The following GABRB2 variants were observed in gnomAD, a reference collection of about 807,000 sequenced individuals.
The protein encoded by GABRB2 is gamma-aminobutyric acid receptor subunit beta-2.
Under a neutral mutation model 54.7 loss-of-function variants are expected in GABRB2, and 16 were observed. That is an observed-to-expected ratio of 0.29 (90% CI 0.20 to 0.44). GABRB2 has a LOEUF of 0.44. Ranked by LOEUF, GABRB2 falls within the 20% of genes least tolerant of loss-of-function variation. The probability of loss-of-function intolerance (pLI) is 1.00; values close to 1 mark genes in which losing one functional copy is unlikely to be tolerated. For missense variants in GABRB2, 355 were observed against 644.0 expected (o/e 0.55, Z 4.86); for synonymous variants, 244 against 233.8 (o/e 1.04, Z -0.40).
chr5:161,442,175 C>A (rs1015834948), intron 4 of GABRB2, among the ~76,000 whole-genome samples: 8 of 152,106 alleles, frequency 5.3e-5, no homozygotes, highest in African/African-American at 1.4e-4. Flanking sequence ...GTTTACTTCA[C>A]ATTTCATGCC....
chr5:161,322,265 T>G (rs1425534962), intron 9 of GABRB2, among the ~76,000 whole-genome samples: 1 of 152,182 alleles, frequency 6.6e-6, no homozygotes, highest in Non-Finnish European at 1.5e-5. Context: ...AGATAGAGTC[T>G]CCCTCTTTCA....
intron 9 of GABRB2, among the ~76,000 whole-genome samples, chr5:161,324,002 T>C (rs1758292244): frequency 6.6e-6 from 1 of 152,184 alleles, no homozygotes; most frequent in South Asian, 2.1e-4. Flanking sequence ...GTTTATTTTA[T>C]ACTTGTTTAT....
intron 3 of GABRB2, among the ~76,000 whole-genome samples, chr5:161,533,330 C>T (rs943351949): frequency 6.6e-6 from 1 of 152,112 alleles, no homozygotes; most frequent in African/African-American, 2.4e-5. Flanking sequence ...ATAAATCCTT[C>T]ATTTGTATCT....
chr5:161,394,848 T>A (rs1256335691), intron 5 of GABRB2, among the ~76,000 whole-genome samples: 1 of 152,070 alleles, frequency 6.6e-6, no homozygotes, highest in African/African-American at 2.4e-5. Context: ...TCCCCACTCA[T>A]ATTTTGAGGC....
intron 5 of GABRB2, among the ~76,000 whole-genome samples, chr5:161,368,468 T>C (rs191668257): frequency 2.8e-4 from 43 of 152,334 alleles, no homozygotes; most frequent in African/African-American, 1.0e-3. Context: ...TCTCAAATCC[T>C]AGTCTAGTAG....
intron 3 of GABRB2, among the ~76,000 whole-genome samples, chr5:161,469,779 A>G (rs1018305344): frequency 6.6e-6 from 1 of 151,882 alleles, no homozygotes; most frequent in Non-Finnish European, 1.5e-5. Context: ...CTGCAATGGA[A>G]GTTCAAGTCA....
At chr5:161,442,698 ACACT>A (rs1191971071) in intron 4 of GABRB2, among the ~76,000 whole-genome samples, 1 of 152,140 alleles carries the variant, frequency 6.6e-6, no homozygotes, top group African/African-American at 2.4e-5. Context: ...CCAGCCACTG[ACACT>A]CAATCTGCTT....
rs576131884 is a variant in GABRB2, at chr5:161,367,259, G to A, written c.542-30490C>T. On this transcript the variant is annotated intron_variant, in intron 5 of 9. Coordinates refer to ENST00000393959, the MANE Select transcript of GABRB2 (RefSeq NM_001371727.1). Reference sequence around the variant, plus strand: ...TATTTCAAATTGTCATGAAGGAAATGTTCTGCATGTGATTTAAAAAACATT... The same window carrying A: ...TATTTCAAATTGTCATGAAGGAAATATTCTGCATGTGATTTAAAAAACATT... Among the ~76,000 whole-genome samples the A allele has an allele frequency of 5.3e-5, 8 of 152,250 alleles. No individual in the cohort carries two copies. The South Asian group carries it at 1.0e-3, about 20-fold the overall frequency.
At chr5:161,528,019 CT>C (rs1225115572) in intron 3 of GABRB2, among the ~76,000 whole-genome samples, 1 of 151,576 alleles carries the variant, frequency 6.6e-6, no homozygotes, top group African/African-American at 2.4e-5. Context: ...TTTAATATAA[CT>C]TAGTTCACAA....
intron 4 of GABRB2, among the ~76,000 whole-genome samples, chr5:161,450,579 A>G (rs979332012): frequency 6.6e-6 from 1 of 152,114 alleles, no homozygotes; most frequent in African/African-American, 2.4e-5. Context: ...CTCCAGCAGT[A>G]GCAGTAGCAA....
intron 9 of GABRB2, among the ~76,000 whole-genome samples, chr5:161,312,942 A>G (rs1358196624): frequency 6.6e-6 from 1 of 152,216 alleles, no homozygotes; most frequent in Non-Finnish European, 1.5e-5. Context: ...CTTCTGAAAG[A>G]CATCATTAGC....
At chr5:161,371,748 G>A (rs749878349) in intron 5 of GABRB2, among the ~76,000 whole-genome samples, 20 of 152,034 alleles carry the variant, frequency 1.3e-4, no homozygotes, top group Non-Finnish European at 2.4e-4. Context: ...TTGAGACAGG[G>A]TCTCACTCTG....
chr5:161,434,004 C>T (rs1200222148), intron 4 of GABRB2, among the ~76,000 whole-genome samples: 3 of 151,828 alleles, frequency 2.0e-5, no homozygotes, highest in Non-Finnish European at 4.4e-5. Flanking sequence ...AAAATATTAC[C>T]GAAATGTCTC....
At chr5:161,338,537 C>T (rs1346650433) in intron 5 of GABRB2, among the ~76,000 whole-genome samples, 1 of 152,068 alleles carries the variant, frequency 6.6e-6, no homozygotes, top group Non-Finnish European at 1.5e-5. Context: ...CCTGTAATCC[C>T]AGCACTTTGG....
intron 5 of GABRB2, among the ~76,000 whole-genome samples, chr5:161,358,293 G>A (rs1260741519): frequency 2.0e-5 from 3 of 152,140 alleles, no homozygotes; most frequent in Admixed American, 2.0e-4. Context: ...GTCCATTTAA[G>A]TTAGCAATGT....
intron 3 of GABRB2, among the ~76,000 whole-genome samples, chr5:161,525,990 C>A (rs1241910933): frequency 2.0e-5 from 3 of 151,232 alleles, no homozygotes; most frequent in Non-Finnish European, 1.5e-5. Flanking sequence ...GATATAAATT[C>A]TTTTCTCCTA....
intron 3 of GABRB2, among the ~76,000 whole-genome samples, chr5:161,516,726 G>T (rs1262493337): frequency 1.3e-5 from 2 of 152,148 alleles, no homozygotes; most frequent in Non-Finnish European, 2.9e-5. Context: ...TTCACCAAAT[G>T]CTCATACTGA....
At chr5:161,336,574 A>T in intron 6 of GABRB2, 58 bp downstream of exon 6, 2 of 1,583,192 alleles carry the variant, frequency 1.3e-6, no homozygotes, top group African/African-American at 1.3e-5. Flanking sequence ...ATAAGTGAAC[A>T]TGTTTAACAA....
At position 161,313,602 on chromosome 5, in the gene GABRB2, G is replaced by A. The variant is rs148715334; in HGVS notation, c.1191+12766C>T. Among the ~76,000 whole-genome samples the A allele has an allele frequency of 1.4e-3, 216 of 151,594 alleles. 1 individual carries two copies. The highest frequency in any genetic ancestry group is 4.9e-3 in the African/African-American group (203 of 41,304). ...ATTTAGAAATAGATCTTAGGAAAAT[G>A]GGAAAAGTCAGAGTTCTGCCCTTGT... is the stretch of plus-strand genomic sequence containing the variant. On this transcript the variant is annotated intron_variant, in intron 9 of 9. Transcript: ENST00000393959.
Sources: allele counts gnomAD v4.1 joint callset (sites outside exome capture counted in the v4.1 genomes callset), GRCh38; gene constraint gnomAD v4.1.1; transcripts MANE v1.5; gene names NCBI Gene and HGNC (gene_info 2026-07-23, HGNC 2026-07-21).